The following C10orf143 variants were observed in gnomAD, a reference collection of about 807,000 sequenced individuals.
C10orf143 encodes the protein chromosome 10 open reading frame 143.
chr10:130,055,515 C>T (rs555212311), intron 3 of C10orf143, among the ~76,000 whole-genome samples: 5 of 152,262 alleles, frequency 3.3e-5, no homozygotes, highest in Admixed American at 2.0e-4. Context: ...GCAGTGATTG[C>T]CCCAGGCATT....
Position 130,056,595 on chromosome 10 carries a change from A to T in C10orf143, c.298-20625T>A, listed in dbSNP as rs981563412. Among the ~76,000 whole-genome samples the T allele has an allele frequency of 6.6e-6, 1 of 152,024 alleles. No individual in the cohort carries two copies. Among genetic ancestry groups the T allele is most frequent in the Non-Finnish European group, 1.5e-5 (1 of 68,002 alleles). ...TTTTAAATTAAATTAAATCTATTTTATTTTATTTTATTTTGAAATGGAGTC... is the reference window on the plus strand; with the variant it reads ...TTTTAAATTAAATTAAATCTATTTTTTTTTATTTTATTTTGAAATGGAGTC... On this transcript the variant is annotated intron_variant and NMD_transcript_variant, in intron 3 of 5. Transcript: ENST00000643056. This position sits in a 1 kb window ranked among gnomAD's most constrained non-coding sequence, Gnocchi z 4.6.
intron 1 of C10orf143, among the ~76,000 whole-genome samples, chr10:130,085,756 A>C (rs1861281227): frequency 6.7e-6 from 1 of 149,082 alleles, no homozygotes; most frequent in African/African-American, 2.5e-5. Flanking sequence ...TATGTCTAAA[A>C]CTATTTCAAA....
downstream of C10orf143, among the ~76,000 whole-genome samples, chr10:130,063,355 G>A (rs1590012503): frequency 6.6e-6 from 1 of 152,150 alleles, no homozygotes; most frequent in African/African-American, 2.4e-5. Flanking sequence ...ACAAACTAAA[G>A]CTCTTCATAA....
rs1303150121 is a variant in C10orf143 at position 130,108,235 on chromosome 10, A to C, written c.69+2469T>G. 1.9e-6 allele frequency: 3 copies of C among 1,551,646 alleles called. No individual in the cohort carries two copies. In the African/African-American group the frequency reaches 4.1e-5, roughly 21 times the overall value. Reference sequence around the variant, plus strand: ...CAGGAACCAGGTTTGGAGCTTCTCGAGATTATTTTCCACCAGGGGATTTCC... The same window carrying C: ...CAGGAACCAGGTTTGGAGCTTCTCGCGATTATTTTCCACCAGGGGATTTCC... On this transcript the variant is annotated intron_variant, in intron 1 of 3. Transcript: ENST00000637128.
At chr10:130,084,175 G>C (rs1332560632) in intron 1 of C10orf143, among the ~76,000 whole-genome samples, 1 of 151,954 alleles carries the variant, frequency 6.6e-6, no homozygotes, top group Non-Finnish European at 1.5e-5. Context: ...TTAGCCAGGC[G>C]TGGTGGCAGG....
intron 1 of C10orf143, chr10:130,104,127 T>C (rs189633695): frequency 6.6e-6 from 1 of 152,354 alleles, no homozygotes; most frequent in African/African-American, 2.4e-5. Context: ...AGCCTCATCA[T>C]GAGTTGCAGG....
At chr10:130,049,177 G>A (rs1365503588) in intron 3 of C10orf143, among the ~76,000 whole-genome samples, 5 of 152,166 alleles carry the variant, frequency 3.3e-5, no homozygotes, top group Non-Finnish European at 7.4e-5. Context: ...GCAATGTCAG[G>A]TGCAGCACCT....
intron 3 of C10orf143, among the ~76,000 whole-genome samples, chr10:130,078,686 G>A (rs1463179098): frequency 1.3e-5 from 2 of 152,264 alleles, no homozygotes; most frequent in Non-Finnish European, 2.9e-5. Context: ...GGCTGTCATG[G>A]TTTCAGGTCT....
At chr10:130,067,455 C>G (rs1243772084) in intron 3 of C10orf143, 1 of 152,256 alleles carries the variant, frequency 6.6e-6, no homozygotes, top group Non-Finnish European at 1.5e-5. Context: ...GCCATTTTTC[C>G]TTAATGGGCA....
intron 3 of C10orf143, among the ~76,000 whole-genome samples, chr10:130,040,268 A>G (rs1860591109): frequency 6.6e-6 from 1 of 152,200 alleles, no homozygotes; most frequent in Non-Finnish European, 1.5e-5. Flanking sequence ...CAGTCCAGAA[A>G]GAGCACCGAG....
chr10:130,058,513 C>A (rs1010573008), intron 3 of C10orf143, among the ~76,000 whole-genome samples: 3 of 151,020 alleles, frequency 2.0e-5, no homozygotes, highest in Non-Finnish European at 4.4e-5. Flanking sequence ...ATTGATGAAG[C>A]ATGTAGAAAT....
Position 130,107,439 on chromosome 10 carries a change from C to G in C10orf143, c.69+3265G>C, listed in dbSNP as rs745816837. On this transcript the variant is annotated intron_variant, in intron 1 of 3. Transcript: ENST00000637128. ...AAGGCACATCATAACTGGTTGGCAGCTTGGGCTGCTGAAAGAAACCTCAAT... is the reference window on the plus strand; with the variant it reads ...AAGGCACATCATAACTGGTTGGCAGGTTGGGCTGCTGAAAGAAACCTCAAT... The G allele has an allele frequency of 2.9e-6, 4 of 1,379,478 alleles. No individual in the cohort carries two copies. In the South Asian group the frequency reaches 4.6e-5, roughly 16 times the overall value. 85.5% of individuals were successfully genotyped at this position (1,379,478 alleles called of 1,614,324 possible).
intron 1 of C10orf143, among the ~76,000 whole-genome samples, chr10:130,087,849 C>G (rs1861317242): frequency 6.6e-6 from 1 of 152,190 alleles, no homozygotes; most frequent in South Asian, 2.1e-4. Flanking sequence ...AGCTCTGCCA[C>G]CGGTGGGGCT....
intron 3 of C10orf143, among the ~76,000 whole-genome samples, chr10:130,044,273 G>A (rs1263130337): frequency 6.6e-6 from 1 of 152,184 alleles, no homozygotes; most frequent in Non-Finnish European, 1.5e-5. Flanking sequence ...CCTGATGGGG[G>A]CCGAGCTGGG....
At chr10:130,081,941 G>A (rs1032084157) in intron 1 of C10orf143, among the ~76,000 whole-genome samples, 5 of 149,650 alleles carry the variant, frequency 3.3e-5, no homozygotes, top group Admixed American at 6.7e-5. Context: ...TGATACTAAC[G>A]GTCACAATGA....
intron 3 of C10orf143, among the ~76,000 whole-genome samples, chr10:130,050,959 T>C (rs1343656630): frequency 6.6e-6 from 1 of 152,166 alleles, no homozygotes; most frequent in Non-Finnish European, 1.5e-5. Context: ...ACCACTGAGC[T>C]GTTACGTGCA....
chr10:130,107,023 C>T (rs766339606), intron 1 of C10orf143: 3 of 1,238,340 alleles, frequency 2.4e-6, no homozygotes, highest in Admixed American at 1.7e-5. Context: ...CTTTAAAAAC[C>T]TTAGAAGGAG....
intron 1 of C10orf143, chr10:130,106,474 T>A (rs900383673): frequency 6.2e-7 from 1 of 1,602,310 alleles, no homozygotes; most frequent in Non-Finnish European, 8.5e-7. Flanking sequence ...AACTTGAGCA[T>A]GAAATTCTCT....
At chr10:130,046,302 G>T (rs6482769) in intron 3 of C10orf143, among the ~76,000 whole-genome samples, 67,635 of 151,680 alleles carry the variant, frequency 0.45, 15,297 homozygotes, top group African/African-American at 0.51. Context: ...GCACTCTCGG[G>T]CTCCCTGCAG....
Sources: gnomAD v4.1 joint callset for allele counts (sites outside exome capture counted in the v4.1 genomes callset) on GRCh38, gnomAD v4.1.1 for gene constraint, Gnocchi (gnomAD v3.1) non-coding constraint, MANE v1.5 for transcripts, NCBI Gene and HGNC (gene_info 2026-07-23, HGNC 2026-07-21) for gene names.